Variants in PCDH11X observed in about 807,000 individuals in gnomAD.
PCDH11X encodes the protein protocadherin 11 X-linked, also known as protocadherin-11 X-linked.
A neutral mutation model predicts 53.3 loss-of-function variants in PCDH11X; 18 were observed. The ratio of observed to expected loss-of-function variants is 0.34; its 90% CI spans 0.23 to 0.50. The LOEUF (loss-of-function observed/expected upper bound fraction) is 0.50, where lower values mean the gene tolerates loss of function less well. PCDH11X is among the 20% of genes least tolerant of loss of function. PCDH11X has a pLI of 0.98. For synonymous variants in PCDH11X, 279 were observed against 393.3 expected, an observed-to-expected ratio of 0.71 and a Z score of 3.44; for missense variants, 570 against 1,032.4, an observed-to-expected ratio of 0.55 and a Z score of 6.14.
chrX:92,110,379 G>A (rs1424716469), intron 6 of PCDH11X, among the ~76,000 whole-genome samples: 3 of 107,689 alleles, frequency 2.8e-5, no homozygotes. Context: ...ACTGTCAACC[G>A]AGGAAAATGA....
At chrX:92,431,373 T>C (rs1466965682) in intron 9 of PCDH11X, among the ~76,000 whole-genome samples, 1 of 110,715 alleles carries the variant, frequency 9.0e-6, no homozygotes, top group Non-Finnish European at 1.9e-5. Context: ...GAATTAACAC[T>C]ATTATACAAA....
chrX:91,996,072 A>C (rs1481184224), intron 6 of PCDH11X, among the ~76,000 whole-genome samples: 2 of 97,868 alleles, frequency 2.0e-5, no homozygotes, highest in Admixed American at 1.1e-4. Flanking sequence ...CGATCTCCTG[A>C]CCTTGTGATC....
chrX:92,047,696 C>T (rs2063310137), intron 6 of PCDH11X, among the ~76,000 whole-genome samples: 1 of 109,542 alleles, frequency 9.1e-6, no homozygotes, highest in Non-Finnish European at 1.9e-5. Context: ...GTTTCCCCAT[C>T]TTCTCATCTT....
At position 91,905,098 on chromosome X, in the gene PCDH11X, TTTATTATTA is replaced by T. The variant is rs200229863; in HGVS notation, c.3033+25852_3033+25860del. On this transcript the variant is annotated intron_variant, in intron 6 of 10. Coordinates refer to ENST00000682573, the MANE Select transcript of PCDH11X (RefSeq NM_032968.5). Reference sequence around the variant, plus strand: ...ACAGCTTTTATTTTTTACTTTTTTGTTTATTATTATTATTATTATTATTATTATTATTAT... The same window carrying T: ...ACAGCTTTTATTTTTTACTTTTTTGTTTATTATTATTATTATTATTATTAT... Among the ~76,000 whole-genome samples, 717 of 99,965 alleles carry T rather than the reference TTTATTATTA, an allele frequency of 7.2e-3. 11 individuals carry two copies. The highest frequency in any genetic ancestry group is 0.011 in the East Asian group (35 of 3,192). The allele number at this position is 99,965 out of a possible 115,157, so 86.8% of individuals were successfully genotyped here.
At position 91,904,159 on chromosome X, in the gene PCDH11X, TATATG is replaced by T. The variant is rs760403611; in HGVS notation, c.3033+24890_3033+24894del. ...AAATACTTTGAAATGTAGGAAATAG[TATATG>T]ATAAAGCTATTATATTATGTTAGTG... On this transcript the variant is annotated intron_variant, in intron 6 of 10. Coordinates refer to ENST00000682573, the MANE Select transcript of PCDH11X (RefSeq NM_032968.5). Among the ~76,000 whole-genome samples, 14 of 111,252 alleles carry T rather than the reference TATATG, an allele frequency of 1.3e-4. No individual in the cohort carries two copies. The East Asian group carries it at 4.0e-3, about 31-fold the overall frequency.
At chrX:91,884,220 A>C (rs1382030208) in intron 6 of PCDH11X, among the ~76,000 whole-genome samples, 1 of 109,541 alleles carries the variant, frequency 9.1e-6, no homozygotes, top group African/African-American at 3.3e-5. Context: ...AAAGAAAAAA[A>C]GTTATTTTTG....
Position 92,387,700 on chromosome X carries a change from A to G in PCDH11X, c.3145-35A>G, listed in dbSNP as rs186811080. On this transcript the variant is annotated intron_variant, in intron 8 of 10. Transcript: ENST00000682573. ...AGCATTAAGCAATTATTCAGATCAT[A>G]TCTGAAACCCTGTAATTTTCATTCT... The G allele has an allele frequency of 3.6e-4, 437 of 1,210,627 alleles. 3 individuals are homozygous for G. The African/African-American group carries it at 7.3e-3, about 20-fold the overall frequency.
intron 4 of PCDH11X, among the ~76,000 whole-genome samples, chrX:91,826,920 A>G (rs1936946622): frequency 9.3e-6 from 1 of 107,693 alleles, no homozygotes; most frequent in Admixed American, 1.0e-4. Context: ...TGCTGCAGTG[A>G]ACATTTGTGT....
chrX:92,270,068 A>G (rs2067917738), intron 8 of PCDH11X, among the ~76,000 whole-genome samples: 1 of 110,258 alleles, frequency 9.1e-6, no homozygotes. Context: ...CATGTTCATT[A>G]AGTACATATT....
intron 8 of PCDH11X, among the ~76,000 whole-genome samples, chrX:92,269,804 G>C (rs76300212): frequency 0.07 from 7,797 of 111,074 alleles, 469 homozygotes; most frequent in East Asian, 0.27. Context: ...TCATCTCCCC[G>C]CTATTAACTA....
intron 4 of PCDH11X, among the ~76,000 whole-genome samples, chrX:91,830,386 C>G (rs35498485): frequency 9.0e-6 from 1 of 111,564 alleles, no homozygotes; most frequent in Non-Finnish European, 1.9e-5. Flanking sequence ...ACAAACCAGT[C>G]TTATAATTAC....
At chrX:92,544,809 A>T (rs1485232898) in intron 10 of PCDH11X, among the ~76,000 whole-genome samples, 1 of 109,845 alleles carries the variant, frequency 9.1e-6, no homozygotes, top group Non-Finnish European at 1.9e-5. Flanking sequence ...GTGTGTATTA[A>T]TAATGGAAGC....
intron 9 of PCDH11X, among the ~76,000 whole-genome samples, chrX:92,432,824 T>C (rs1454368429): frequency 9.2e-6 from 1 of 108,312 alleles, no homozygotes; most frequent in Non-Finnish European, 1.9e-5. Context: ...ATTAACAAAA[T>C]CCACAGGAAA....
chrX:92,444,024 A>G (rs750059117), intron 9 of PCDH11X, among the ~76,000 whole-genome samples: 1 of 110,079 alleles, frequency 9.1e-6, no homozygotes, highest in East Asian at 2.9e-4. Flanking sequence ...TCTTTTTTGT[A>G]CCATATGAAT....
intron 6 of PCDH11X, among the ~76,000 whole-genome samples, chrX:92,036,601 C>A (rs2063129189): frequency 9.3e-6 from 1 of 107,946 alleles, no homozygotes; most frequent in Non-Finnish European, 1.9e-5. Context: ...AACCTCTTTC[C>A]TGTATAAATT....
chrX:91,822,530 C>A (rs1435523808), intron 4 of PCDH11X, among the ~76,000 whole-genome samples: 1 of 109,837 alleles, frequency 9.1e-6, no homozygotes, highest in Non-Finnish European at 1.9e-5. Flanking sequence ...TCCCCTTTAT[C>A]ATTTTTTATT....
chrX:92,548,793 T>C (rs1251753850), intron 10 of PCDH11X, among the ~76,000 whole-genome samples: 1 of 110,592 alleles, frequency 9.0e-6, no homozygotes, highest in Admixed American at 9.7e-5. Flanking sequence ...TTCAGTGATA[T>C]GTTCGATCCA....
At position 92,506,355 on chromosome X, in the gene PCDH11X, A is replaced by G. The variant is rs887839504; in HGVS notation, c.3367+38033A>G. ...CACTTTTAGCTTTTGCTCAATTAGT[A>G]TGATGTTGGCTGTGGGTTTGTCATA... On this transcript the variant is annotated intron_variant, in intron 10 of 10. Coordinates refer to ENST00000682573, the MANE Select transcript of PCDH11X (RefSeq NM_032968.5). Among the ~76,000 whole-genome samples, 8 of 101,890 alleles carry G rather than the reference A, an allele frequency of 7.9e-5. No individual in the cohort carries two copies. In the Admixed American group the frequency reaches 8.8e-4, roughly 11 times the overall value. 88.5% of individuals were successfully genotyped at this position (101,890 alleles called of 115,157 possible).
At chrX:92,282,518 T>A (rs1167960423) in intron 8 of PCDH11X, among the ~76,000 whole-genome samples, 2 of 111,982 alleles carry the variant, frequency 1.8e-5, no homozygotes, top group Non-Finnish European at 3.8e-5. Context: ...ATTGTACGTA[T>A]GATGAAGTTA....
Sources: gnomAD v4.1 joint callset for allele counts (sites outside exome capture counted in the v4.1 genomes callset) on GRCh38, gnomAD v4.1.1 for gene constraint, MANE v1.5 for transcripts, NCBI Gene and HGNC (gene_info 2026-07-23, HGNC 2026-07-21) for gene names.